Variants in CD1B observed in about 807,000 individuals in gnomAD.
CD1B encodes T-cell surface glycoprotein CD1b.
CD1B carries 43 observed loss-of-function variants against 39.8 expected under a neutral mutation model. The observed-to-expected ratio is 1.08, with a 90% CI of 0.85 to 1.39. The LOEUF (loss-of-function observed/expected upper bound fraction) is 1.39. Among genes scored for constraint, CD1B ranks in the 40% most tolerant of loss-of-function variants. The pLI is 0.00. For synonymous variants in CD1B, 192 were observed against 152.5 expected (o/e 1.26, Z -1.91); for missense variants, 495 against 403.8 (o/e 1.23, Z -1.94).
chr1:158,314,628 A>G, the CD1B span, among the ~76,000 whole-genome samples: 14 of 151,782 alleles, frequency 9.2e-5, no homozygotes, highest in African/African-American at 3.1e-4. Context: ...GCTGTATTCC[A>G]TAGGTTTTGT....
the CD1B span, among the ~76,000 whole-genome samples, chr1:158,310,466 G>A: frequency 2.0e-5 from 3 of 152,102 alleles, no homozygotes; most frequent in East Asian, 5.8e-4. Flanking sequence ...AAAATTAAAT[G>A]GAACTTAATT....
chr1:158,326,577 TA>T (rs1184430673), downstream of CD1B, among the ~76,000 whole-genome samples: 1 of 152,152 alleles, frequency 6.6e-6, no homozygotes, highest in Non-Finnish European at 1.5e-5. Flanking sequence ...TATTTAATGA[TA>T]TTAAGAAATC....
the CD1B span, among the ~76,000 whole-genome samples, chr1:158,307,455 C>CA: frequency 6.6e-6 from 1 of 151,950 alleles, no homozygotes; most frequent in South Asian, 2.1e-4. Context: ...GCTTACCAAT[C>CA]AAAAAAAGTC....
chr1:158,329,543 C>T lies in CD1B; in HGVS notation c.713G>A (p.Trp238Ter), dbSNP rs764645674. The change falls in exon 4 of 6, where the codon TGG becomes TAG. Residue 238 changes from tryptophan (W) to a stop codon, truncating the protein, a stop_gained. Transcript: ENST00000368168. LOFTEE classifies it high-confidence loss of function. Reference sequence around the variant, plus strand: ...CTGCTGCTCCTGCTCACCCCGCATCCACATCACCCACACGGGCTTTGGGTA... The same window carrying T: ...CTGCTGCTCCTGCTCACCCCGCATCTACATCACCCACACGGGCTTTGGGTA... ...GFYPKPVWVM[W>*]MRGEQEQQGT... 3.7e-6 allele frequency: 6 copies of T among 1,614,172 alleles called. No homozygotes were observed. Among genetic ancestry groups the T allele is most frequent in the Non-Finnish European group, 5.1e-6 (6 of 1,180,042 alleles).
chr1:158,309,669 A>G, the CD1B span, among the ~76,000 whole-genome samples: 1 of 152,132 alleles, frequency 6.6e-6, no homozygotes, highest in Non-Finnish European at 1.5e-5. Context: ...TGATGAGTTC[A>G]TGTCCTTTGT....
At chr1:158,304,938 T>C in the CD1B span, among the ~76,000 whole-genome samples, 1 of 151,668 alleles carries the variant, frequency 6.6e-6, no homozygotes, top group Non-Finnish European at 1.5e-5. Flanking sequence ...CCCATCTGTA[T>C]GTCACCATCA....
chr1:158,292,559 A>C, the CD1B span: 1 of 1,599,644 alleles, frequency 6.3e-7, no homozygotes, highest in East Asian at 2.2e-5. Flanking sequence ...GTTGTGTGTA[A>C]GTTTCTTCAT....
chr1:158,319,222 T>C, the CD1B span, among the ~76,000 whole-genome samples: 1 of 151,522 alleles, frequency 6.6e-6, no homozygotes, highest in Non-Finnish European at 1.5e-5. Flanking sequence ...CCTTGCTAGA[T>C]TGGGGAAGTT....
chr1:158,316,549 GATTTTGGGCTGAGACA>G, the CD1B span, among the ~76,000 whole-genome samples: 1 of 151,858 alleles, frequency 6.6e-6, no homozygotes, highest in African/African-American at 2.4e-5. Flanking sequence ...TGCTTAAGGA[GATTTTGGGCTGAGACA>G]ATGGGGTTTT....
chr1:158,292,096 T>C, the CD1B span: 44 of 1,613,800 alleles, frequency 2.7e-5, no homozygotes, highest in South Asian at 4.6e-4. Context: ...CCCTTTGAAG[T>C]ACAGGTGAAA....
At chr1:158,302,819 G>C in the CD1B span, among the ~76,000 whole-genome samples, 1 of 152,108 alleles carries the variant, frequency 6.6e-6, no homozygotes, top group Non-Finnish European at 1.5e-5. Context: ...AAAAGCCTTG[G>C]AACAGAGAGA....
Position 158,330,062 on chromosome 1 carries a change from T to A in CD1B, c.397A>T (p.Arg133Trp), listed in dbSNP as rs900797845. Residue 133 changes from arginine to tryptophan, a missense_variant, in exon 3 of 6, where the codon AGG becomes TGG. Transcript: ENST00000368168. ...AAATCCAATCCTCCTAGAGCTCCCC[T>A]CAGGAAGCTTACTATGGCACCTCCA... is the stretch of plus-strand genomic sequence containing the variant. ...HSGGAIVSFL[R>W]GALGGLDFLS... 1.2e-6 allele frequency: 2 copies of A among 1,613,660 alleles called. No homozygotes were observed. The highest frequency in any genetic ancestry group is 2.7e-5 in the African/African-American group (2 of 74,868).
chr1:158,315,560 C>G, the CD1B span, among the ~76,000 whole-genome samples: 1 of 151,450 alleles, frequency 6.6e-6, no homozygotes, highest in African/African-American at 2.4e-5. Context: ...GATATTAGCC[C>G]TTTGTCAGAT....
At chr1:158,294,777 G>C in the CD1B span, among the ~76,000 whole-genome samples, 1 of 152,140 alleles carries the variant, frequency 6.6e-6, no homozygotes, top group Non-Finnish European at 1.5e-5. Flanking sequence ...ACTTGGTATT[G>C]CCTTTTATTT....
chr1:158,312,731 G>C, the CD1B span, among the ~76,000 whole-genome samples: 1 of 152,122 alleles, frequency 6.6e-6, no homozygotes, highest in Non-Finnish European at 1.5e-5. Flanking sequence ...GAATTTATTA[G>C]TGCTCATGGC....
the CD1B span, among the ~76,000 whole-genome samples, chr1:158,319,626 G>C: frequency 6.6e-6 from 1 of 152,178 alleles, no homozygotes; most frequent in South Asian, 2.1e-4. Flanking sequence ...CTGTAGCTCA[G>C]AGTAATTTGA....
At chr1:158,293,009 G>C in the CD1B span, 1 of 933,092 alleles carries the variant, frequency 1.1e-6, no homozygotes, top group Non-Finnish European at 1.6e-6. Context: ...GAATAGTGGA[G>C]TAAGACCTAA....
At chr1:158,324,510 T>C (rs902346089), downstream of CD1B, among the ~76,000 whole-genome samples, 1 of 152,194 alleles carries the variant, frequency 6.6e-6, no homozygotes, top group Non-Finnish European at 1.5e-5. Context: ...CATAATTACA[T>C]TGATTCATCG....
At chr1:158,318,347 C>A in the CD1B span, among the ~76,000 whole-genome samples, 1 of 152,114 alleles carries the variant, frequency 6.6e-6, no homozygotes, top group Admixed American at 6.5e-5. Flanking sequence ...CTGGGTGCTC[C>A]TGTATTGGGT....
Sources: gnomAD v4.1 joint callset for allele counts (sites outside exome capture counted in the v4.1 genomes callset) on GRCh38, gnomAD v4.1.1 for gene constraint, MANE v1.5 for transcripts, NCBI Gene and HGNC (gene_info 2026-07-23, HGNC 2026-07-21) for gene names.